Variants in ATP2C1 observed in about 807,000 individuals in gnomAD.
The protein encoded by ATP2C1 is calcium-transporting ATPase type 2C member 1.
ATP2C1 carries 31 observed loss-of-function variants against 120.5 expected under a neutral mutation model. The observed-to-expected ratio is 0.26, with a 90% confidence interval of 0.19 to 0.35. The LOEUF (loss-of-function observed/expected upper bound fraction) is 0.35, where lower values mean the gene tolerates loss of function less well. ATP2C1 is among the 10% of genes least tolerant of loss of function. ATP2C1 has a pLI of 1.00. For missense variants in ATP2C1, 731 were observed against 1,107.5 expected, an observed-to-expected ratio of 0.66 and a Z score of 4.83; for synonymous variants, 351 against 358.7, an observed-to-expected ratio of 0.98 and a Z score of 0.24.
chr3:130,987,291 C>T (rs1036044361), intron 20 of ATP2C1, among the ~76,000 whole-genome samples: 22 of 151,890 alleles, frequency 1.4e-4, no homozygotes, highest in Non-Finnish European at 2.4e-4. Flanking sequence ...AGCCACTGCA[C>T]GTAGCCTCGT....
downstream of ATP2C1, among the ~76,000 whole-genome samples, chr3:131,005,612 T>A (rs2063078043): frequency 6.6e-6 from 1 of 152,208 alleles, no homozygotes; most frequent in Admixed American, 6.5e-5. Context: ...CCCAGACGGA[T>A]GTGTTAATCA....
intron 1 of ATP2C1, among the ~76,000 whole-genome samples, chr3:130,860,061 G>C (rs1404662619): frequency 6.6e-6 from 1 of 152,232 alleles, no homozygotes; most frequent in African/African-American, 2.4e-5. Context: ...TCTGTGAAGA[G>C]ATAGTAGAAA....
intron 2 of ATP2C1, among the ~76,000 whole-genome samples, chr3:130,929,229 C>T (rs2059351860): frequency 6.6e-6 from 1 of 151,994 alleles, no homozygotes; most frequent in Non-Finnish European, 1.5e-5. Flanking sequence ...TTTAAACGTC[C>T]AACTGTACTT....
intron 2 of ATP2C1, among the ~76,000 whole-genome samples, chr3:130,913,262 T>TA (rs1354657294): frequency 1.3e-5 from 2 of 149,412 alleles, no homozygotes; most frequent in South Asian, 2.1e-4. Context: ...ATAAATAAAT[T>TA]TAAAAAAAAA....
intron 20 of ATP2C1, among the ~76,000 whole-genome samples, chr3:130,990,852 C>T (rs995345945): frequency 6.6e-6 from 1 of 152,034 alleles, no homozygotes; most frequent in African/African-American, 2.4e-5. Flanking sequence ...AAGGTTGGCT[C>T]CCAAAATTTG....
intron 7 of ATP2C1, 28 bp from the exon 8 acceptor site, chr3:130,941,563 C>A (rs763966343): frequency 6.4e-7 from 1 of 1,572,160 alleles, no homozygotes; most frequent in Non-Finnish European, 8.7e-7. Flanking sequence ...TTTTTTTTAA[C>A]CATGGTTGTT....
chr3:130,858,679 T>A (rs953735657), intron 1 of ATP2C1, among the ~76,000 whole-genome samples: 1 of 152,210 alleles, frequency 6.6e-6, no homozygotes, highest in African/African-American at 2.4e-5. Context: ...AGGGGTGCAA[T>A]GAATTCTATC....
intron 1 of ATP2C1, among the ~76,000 whole-genome samples, chr3:130,874,025 G>A (rs575446953): frequency 8.6e-5 from 13 of 151,484 alleles, no homozygotes; most frequent in African/African-American, 3.2e-4. Flanking sequence ...CAGGAGAATC[G>A]CTTGAACCCA....
intron 1 of ATP2C1, among the ~76,000 whole-genome samples, chr3:130,865,255 A>T (rs1162239394): frequency 6.6e-6 from 1 of 152,144 alleles, no homozygotes; most frequent in Non-Finnish European, 1.5e-5. Flanking sequence ...TGTTTTGGCC[A>T]ATTTCTTCCA....
At chr3:130,955,503 G>A (rs1035357228) in intron 10 of ATP2C1, among the ~76,000 whole-genome samples, 1 of 152,082 alleles carries the variant, frequency 6.6e-6, no homozygotes, top group African/African-American at 2.4e-5. Context: ...AGATATTCTC[G>A]GCTAAAAGTA....
intron 21 of ATP2C1, 86 bp downstream of exon 21, chr3:130,993,087 G>A: frequency 8.6e-7 from 1 of 1,169,068 alleles, no homozygotes; most frequent in Non-Finnish European, 1.3e-6. Flanking sequence ...ACAGGGAGTA[G>A]AGCATCAAGG....
chr3:130,865,515 A>C (rs908039648), intron 1 of ATP2C1, among the ~76,000 whole-genome samples: 1 of 152,076 alleles, frequency 6.6e-6, no homozygotes, highest in Non-Finnish European at 1.5e-5. Flanking sequence ...ATATGGTTTG[A>C]CAGTGTCCCC....
At chr3:130,941,457 G>A (rs543934578) in intron 7 of ATP2C1, 134 bp from the exon 8 acceptor site, 2 of 701,872 alleles carry the variant, frequency 2.8e-6, no homozygotes, top group Admixed American at 2.5e-5. Flanking sequence ...GGCATCTTAA[G>A]TGTTTAGAAA....
chr3:130,982,614 T>A (rs1174441312), intron 20 of ATP2C1, among the ~76,000 whole-genome samples: 1 of 152,242 alleles, frequency 6.6e-6, no homozygotes, highest in African/African-American at 2.4e-5. Context: ...CTGGAATTTA[T>A]TTTATTAGCT....
At position 131,002,698 on chromosome 3, in the gene ATP2C1, A is replaced by G. The variant is rs569950072; in HGVS notation, c.*1348A>G. ...ACAGGTTTAATCCTTCTTGAAGCCA[A>G]TAAGTTTTATCTTTTATAATCTGTC... On this transcript the variant is annotated 3_prime_UTR_variant, in exon 28 of 28. Coordinates refer to ENST00000510168, the MANE Select transcript of ATP2C1 (RefSeq NM_001378687.1). The G allele has an allele frequency of 2.1e-5, 21 of 985,438 alleles. No individual in the cohort carries two copies. The highest frequency in any genetic ancestry group is 5.2e-4 in the Middle Eastern group (1 of 1,914). The allele number at this position is 985,438 out of a possible 1,614,324, so 61.0% of individuals were successfully genotyped here. A position where few individuals can be genotyped will look rare whatever the true frequency, so the allele number is the denominator to read the frequency against.
chr3:130,962,288 A>G (rs2060854293), intron 12 of ATP2C1, among the ~76,000 whole-genome samples: 1 of 152,072 alleles, frequency 6.6e-6, no homozygotes, highest in Non-Finnish European at 1.5e-5. Context: ...TTTTGCAGTC[A>G]TGGACCAAAG....
chr3:130,887,468 G>C lies in ATP2C1; in HGVS notation c.108+36540G>C, dbSNP rs114606236. 4.9e-3 allele frequency among the ~76,000 whole-genome samples: 746 copies of C among 152,218 alleles called. 1 individual carries two copies. The highest frequency in any genetic ancestry group is 8.7e-3 in the Non-Finnish European group (590 of 67,988). ...TCCAGAGATGGTGTATGGGAGCTAG[G>C]GACTGCAGTCAAAAATCCTTGTATG... is the stretch of plus-strand genomic sequence containing the variant. On this transcript the variant is annotated intron_variant, in intron 1 of 26. Coordinates refer to the ATP2C1 transcript ENST00000504381.
chr3:130,948,416 T>A (rs975756588), intron 8 of ATP2C1, among the ~76,000 whole-genome samples: 2 of 151,872 alleles, frequency 1.3e-5, no homozygotes, highest in Non-Finnish European at 2.9e-5. Context: ...GGATTATTAA[T>A]CTTAATGAAA....
At chr3:130,959,081 T>A (rs2060704000) in intron 11 of ATP2C1, among the ~76,000 whole-genome samples, 194 bp from the exon 12 acceptor site, 1 of 152,156 alleles carries the variant, frequency 6.6e-6, no homozygotes, top group South Asian at 2.1e-4. Context: ...CGTATGTGAG[T>A]ATGCACAGCA....
Sources: allele counts gnomAD v4.1 joint callset (sites outside exome capture counted in the v4.1 genomes callset), GRCh38; gene constraint gnomAD v4.1.1; transcripts MANE v1.5; gene names NCBI Gene and HGNC (gene_info 2026-07-23, HGNC 2026-07-21).